Variants in RAD51B observed in about 807,000 individuals in gnomAD.
RAD51B encodes the protein RAD51 paralog B.
A neutral mutation model predicts 42.2 loss-of-function variants in RAD51B; 38 were observed. The ratio of observed to expected loss-of-function variants is 0.90; its 90% CI spans 0.70 to 1.18. The LOEUF (loss-of-function observed/expected upper bound fraction) is 1.18, where lower values mean the gene tolerates loss of function less well. Ranked by LOEUF, RAD51B falls within the 50% of genes most tolerant of loss-of-function variation. The pLI, the probability that RAD51B is intolerant of heterozygous loss-of-function variation, is 0.00. For synonymous variants in RAD51B, 154 were observed against 145.2 expected (o/e 1.06, Z -0.43); for missense variants, 373 against 400.7 (o/e 0.93, Z 0.59).
intron 8 of RAD51B, among the ~76,000 whole-genome samples, chr14:68,326,749 T>C (rs2082259401): frequency 6.6e-6 from 1 of 152,222 alleles, no homozygotes; most frequent in African/African-American, 2.4e-5. Context: ...TATTACATAT[T>C]GTGTCAGCCA....
chr14:68,477,626 C>CTTT, intron 10 of RAD51B, 22 bp from the exon 11 acceptor site: 6 of 1,409,888 alleles, frequency 4.3e-6, no homozygotes, highest in Admixed American at 2.0e-5. Flanking sequence ...CAAACTTTCT[C>CTTT]TTTTTTTTTT....
In RAD51B at chr14:67,898,560, ACATT is replaced by A. The variant is rs573481297; in HGVS notation, c.756+11357_756+11360del. 2.1e-3 allele frequency among the ~76,000 whole-genome samples: 322 copies of A among 152,342 alleles called. 2 individuals carry two copies. The highest frequency in any genetic ancestry group is 3.8e-3 in the Non-Finnish European group (260 of 68,030). On this transcript the variant is annotated intron_variant, in intron 7 of 10. Transcript: ENST00000471583. ...AAGCATTTGTTGAAAGGTAGATCTT[ACATT>A]GTGTTCTTATCCCATACACTGTATA...
At chr14:68,008,349 C>T (rs914106643) in intron 7 of RAD51B, among the ~76,000 whole-genome samples, 15 of 151,664 alleles carry the variant, frequency 9.9e-5, no homozygotes, top group African/African-American at 3.6e-4. Flanking sequence ...TAGTAAGATA[C>T]AAAGCTGTGT....
At chr14:67,831,262 G>A (rs1200222370) in intron 3 of RAD51B, among the ~76,000 whole-genome samples, 1 of 152,130 alleles carries the variant, frequency 6.6e-6, no homozygotes, top group African/African-American at 2.4e-5. Flanking sequence ...CTTTGAAGGC[G>A]AGGCATGCAC....
chr14:68,062,392 G>T (rs908448594), intron 7 of RAD51B, among the ~76,000 whole-genome samples: 2 of 152,128 alleles, frequency 1.3e-5, no homozygotes, highest in Non-Finnish European at 2.9e-5. Flanking sequence ...TTGGTATCAG[G>T]GTAATGCTGG....
chr14:68,270,505 G>A (rs1030963461), intron 7 of RAD51B, among the ~76,000 whole-genome samples: 4 of 152,184 alleles, frequency 2.6e-5, no homozygotes. Flanking sequence ...GTGTACTCAT[G>A]GAAAGTGTAA....
intron 7 of RAD51B, among the ~76,000 whole-genome samples, chr14:68,227,817 A>C (rs1257373378): frequency 6.6e-6 from 1 of 152,196 alleles, no homozygotes; most frequent in Non-Finnish European, 1.5e-5. Context: ...TGTAAGTATG[A>C]TGGGCATGCC....
At chr14:68,674,232 TG>T (rs1190149395) in intron 11 of RAD51B, among the ~76,000 whole-genome samples, 1 of 152,106 alleles carries the variant, frequency 6.6e-6, no homozygotes, top group Non-Finnish European at 1.5e-5. Flanking sequence ...TACACACATA[TG>T]TATACACACG....
At chr14:67,910,789 C>T (rs2043951635) in intron 7 of RAD51B, among the ~76,000 whole-genome samples, 1 of 151,202 alleles carries the variant, frequency 6.6e-6, no homozygotes, top group Non-Finnish European at 1.5e-5. Flanking sequence ...AAGATAGAAT[C>T]CTTATGAAAT....
chr14:68,223,042 A>T (rs1230252085), intron 7 of RAD51B, among the ~76,000 whole-genome samples: 1 of 152,200 alleles, frequency 6.6e-6, no homozygotes, highest in Non-Finnish European at 1.5e-5. Flanking sequence ...GGCTAACTCC[A>T]ACTCAGAATG....
chr14:68,240,117 A>G (rs2141000107), intron 7 of RAD51B, among the ~76,000 whole-genome samples: 1 of 152,306 alleles, frequency 6.6e-6, no homozygotes, highest in East Asian at 1.9e-4. Context: ...GGGTGCCCCT[A>G]TTACCCTGGG....
At position 68,540,405 on chromosome 14, in the gene RAD51B, A is replaced by C. The variant is rs1463299178; in HGVS notation, c.1037-54080A>C. 4.1e-6 allele frequency: 4 copies of C among 984,864 alleles called. No homozygotes were observed. The African/African-American group carries it at 7.0e-5, about 17-fold the overall frequency. The allele number at this position is 984,864 out of a possible 1,614,324, so 61.0% of individuals were successfully genotyped here. A position where few individuals can be genotyped will look rare whatever the true frequency, so the allele number is the denominator to read the frequency against. ...CCCTGAAAGTCATTACATATGACTT[A>C]TTCAGCCCTCCCTTATTCAATTTGA... is the stretch of plus-strand genomic sequence containing the variant. On this transcript the variant is annotated intron_variant, in intron 10 of 10. Transcript: ENST00000487270.
intron 10 of RAD51B, chr14:68,563,829 T>G: frequency 1.0e-6 from 1 of 985,420 alleles, no homozygotes; most frequent in Non-Finnish European, 1.2e-6. Flanking sequence ...TGGAACGTGC[T>G]TTTTTACCTC....
At chr14:68,442,209 G>T (rs1229203039) in intron 9 of RAD51B, among the ~76,000 whole-genome samples, 1 of 152,118 alleles carries the variant, frequency 6.6e-6, no homozygotes, top group Non-Finnish European at 1.5e-5. Context: ...AGTCTGCAGG[G>T]TCTTAGCCCA....
intron 7 of RAD51B, among the ~76,000 whole-genome samples, chr14:68,074,510 T>C (rs1409231462): frequency 1.3e-5 from 2 of 152,252 alleles, no homozygotes; most frequent in Admixed American, 1.3e-4. Context: ...ATCCAGATTC[T>C]GAATTCTACG....
intron 8 of RAD51B, among the ~76,000 whole-genome samples, chr14:68,406,912 GATCAATATC>G (rs1300512707): frequency 6.6e-6 from 1 of 151,942 alleles, no homozygotes; most frequent in African/African-American, 2.4e-5. Flanking sequence ...GACTACACAG[GATCAATATC>G]ATCAATATCA....
chr14:68,541,392 T>A (rs1887958789), intron 10 of RAD51B: 1 of 985,452 alleles, frequency 1.0e-6, no homozygotes, highest in Admixed American at 6.1e-5. Flanking sequence ...GAAGCACATC[T>A]TATATGCACA....
chr14:68,643,887 GC>G (rs931938890), intron 10 of RAD51B, among the ~76,000 whole-genome samples: 5 of 152,146 alleles, frequency 3.3e-5, no homozygotes, highest in East Asian at 1.9e-4. Context: ...AGGGGGTGGG[GC>G]CTCTCTCTGG....
At chr14:68,096,052 C>G (rs2077189368) in intron 7 of RAD51B, among the ~76,000 whole-genome samples, 1 of 150,496 alleles carries the variant, frequency 6.6e-6, no homozygotes, top group Non-Finnish European at 1.5e-5. Context: ...TAATAAGTAG[C>G]AGAACCAGAA....
Sources: gnomAD v4.1 joint callset for allele counts (sites outside exome capture counted in the v4.1 genomes callset) on GRCh38, gnomAD v4.1.1 for gene constraint, MANE v1.5 for transcripts, NCBI Gene and HGNC (gene_info 2026-07-23, HGNC 2026-07-21) for gene names.